SNX11: variants seen among roughly 807,000 people sequenced by gnomAD.
The protein encoded by SNX11 is sorting nexin-11.
A neutral mutation model predicts 30.7 loss-of-function variants in SNX11; 19 were observed. The observed-to-expected ratio is 0.62, with a 90% CI of 0.43 to 0.91. SNX11 has a LOEUF of 0.91. SNX11 is among the 40% of genes least tolerant of loss of function. The pLI is 0.00. For missense variants in SNX11, 302 were observed against 326.7 expected, an observed-to-expected ratio of 0.92 and a Z score of 0.58; for synonymous variants, 112 against 119.0, an observed-to-expected ratio of 0.94 and a Z score of 0.38.
At chr17:48,115,038 G>C (rs1267972653) in intron 4 of SNX11, among the ~76,000 whole-genome samples, 2 of 150,082 alleles carry the variant, frequency 1.3e-5, no homozygotes, top group Admixed American at 1.3e-4. Context: ...GATTACAGAC[G>C]TGAGCCACCA....
In SNX11 at chr17:48,113,402, G is replaced by T. The variant is rs1449015028; in HGVS notation, c.230+1G>T. On this transcript the variant is annotated splice_donor_variant, in intron 4 of 6. Coordinates refer to ENST00000359238, the MANE Select transcript of SNX11 (RefSeq NM_013323.3). LOFTEE classifies it high-confidence loss of function. ...AGCTACAGAGAAATGCTGGTTTGGT[G>T]TGAGTTTGCTCTTGCTTCCTTCTTG... The T allele has an allele frequency of 1.2e-6, 2 of 1,612,022 alleles. No individual in the cohort carries two copies. The highest frequency in any genetic ancestry group is 2.7e-5 in the African/African-American group (2 of 74,870).
chr17:48,115,064 C>CTTTT (rs1239738711), intron 4 of SNX11, among the ~76,000 whole-genome samples: 1 of 123,202 alleles, frequency 8.1e-6, no homozygotes, highest in African/African-American at 3.0e-5. Context: ...CGCCTTTTTT[C>CTTTT]TTTTTTTTTT....
chr17:48,113,620 A>G (rs1371287002), intron 4 of SNX11: 2 of 414,612 alleles, frequency 4.8e-6, no homozygotes, highest in African/African-American at 4.2e-5. Context: ...ATCATGGCTC[A>G]CTGCAGCCTC....
Position 48,121,429 on chromosome 17 carries a change from A to T in SNX11, c.734A>T (p.Gln245Leu), listed in dbSNP as rs1384536498. Residue 245 changes from glutamine (Q) to leucine (L), a missense_variant, in exon 7 of 7, where the codon CAG (glutamine) becomes CTG (leucine). Transcript: ENST00000359238. ...GRPKEGTSTL[Q>L]SVRRAVGGDH... ...CCCAAAGAGGGAACCTCCACTCTTC[A>T]GTCTGTGAGGAGGGCTGTGGGAGGA... 5.0e-6 allele frequency: 8 copies of T among 1,614,024 alleles called. No homozygotes were observed. The highest frequency in any genetic ancestry group is 1.3e-5 in the African/African-American group (1 of 74,926).
intron 1 of SNX11, chr17:48,110,986 C>G: frequency 5.2e-6 from 3 of 577,144 alleles, no homozygotes; most frequent in Non-Finnish European, 6.6e-6. Context: ...TCGCTATACA[C>G]GTGAACTGCC....
At chr17:48,110,296 C>A (rs1444249643) in intron 1 of SNX11, among the ~76,000 whole-genome samples, 1 of 152,178 alleles carries the variant, frequency 6.6e-6, no homozygotes, top group Non-Finnish European at 1.5e-5. Context: ...AGATAAAAAT[C>A]AGATTGTCAG....
At chr17:48,117,547 G>A (rs1598337422) in intron 4 of SNX11, among the ~76,000 whole-genome samples, 1 of 151,110 alleles carries the variant, frequency 6.6e-6, no homozygotes, top group Admixed American at 6.6e-5. Flanking sequence ...GTGAGCCACC[G>A]CGCCTGGCTG....
chr17:48,116,865 CTT>C (rs143715469), intron 4 of SNX11, among the ~76,000 whole-genome samples: 13 of 139,242 alleles, frequency 9.3e-5, no homozygotes, highest in Non-Finnish European at 7.8e-5. Flanking sequence ...TGCGCCCGGC[CTT>C]TTTTTTTTTT....
At chr17:48,116,257 AAAC>A (rs1391026474) in intron 4 of SNX11, among the ~76,000 whole-genome samples, 7 of 152,102 alleles carry the variant, frequency 4.6e-5, no homozygotes, top group Admixed American at 1.3e-4. Context: ...ACTGTCTCAA[AAAC>A]AACAACAACA....
chr17:48,112,906 A>T, intron 3 of SNX11: 1 of 279,712 alleles, frequency 3.6e-6, no homozygotes, highest in South Asian at 5.3e-5. Flanking sequence ...AATTTTGAAT[A>T]TATATTTTTT....
intron 4 of SNX11, among the ~76,000 whole-genome samples, chr17:48,114,267 C>T (rs2063521738): frequency 6.6e-6 from 1 of 151,200 alleles, no homozygotes; most frequent in Admixed American, 6.6e-5. Flanking sequence ...GGTTCTCCTG[C>T]CTCAGCCTCC....
intron 3 of SNX11, 102 bp from the exon 4 acceptor site, chr17:48,113,199 T>C: frequency 1.0e-6 from 1 of 978,642 alleles, no homozygotes; most frequent in Non-Finnish European, 1.6e-6. Flanking sequence ...GTCTGTGGCC[T>C]GATGGCATGG....
At chr17:48,112,720 TGAGGTGTAACC>T (rs1376518615) in intron 3 of SNX11, 60 bp downstream of exon 3, 1 of 1,069,492 alleles carries the variant, frequency 9.4e-7, no homozygotes, top group East Asian at 2.5e-5. Context: ...GGGCTTGTAC[TGAGGTGTAACC>T]TTTTTTTTTT....
At chr17:48,119,992 T>C (rs1238917574) in intron 6 of SNX11, among the ~76,000 whole-genome samples, 1 of 152,194 alleles carries the variant, frequency 6.6e-6, no homozygotes, top group Non-Finnish European at 1.5e-5. Flanking sequence ...TTTGGACATT[T>C]ACACAAATGG....
Position 48,123,593 on chromosome 17 carries a change from A to C in SNX11, c.*2085A>C, listed in dbSNP as rs2063618418. The stretch of plus-strand genomic sequence containing the variant: ...GCTTTTTTAATGATCCATTAGCAGC[A>C]TGCATACAACAGCACCTCAGTTAAT... On this transcript the variant is annotated 3_prime_UTR_variant, in exon 7 of 7. Transcript: ENST00000359238. Among the ~76,000 whole-genome samples, 2 of 152,168 alleles carry C rather than the reference A, an allele frequency of 1.3e-5. No homozygotes were observed. Among genetic ancestry groups the C allele is most frequent in the African/African-American group, 2.4e-5 (1 of 41,452 alleles).
In SNX11 at chr17:48,118,776, A is replaced by G. The variant is rs779408251; in HGVS notation, c.303A>G (p.Gln101=). The change falls in exon 5 of 7, where the codon CAA becomes CAG. Residue 101 remains glutamine, a synonymous_variant. Transcript: ENST00000359238. ...ATGAGTTCATTGAGAAGCGACGACA[A>G]GGTCTGCAGCACTTCCTTGAAAAGT... ...TSDEFIEKRR[Q]GLQHFLEKVL... The G allele has an allele frequency of 1.1e-5, 18 of 1,613,922 alleles. No homozygotes were observed. Among genetic ancestry groups the G allele is most frequent in the Non-Finnish European group, 2.5e-6 (3 of 1,179,948 alleles).
At chr17:48,118,883 C>T in intron 5 of SNX11, 84 bp downstream of exon 5, 1 of 1,549,486 alleles carries the variant, frequency 6.5e-7, no homozygotes, top group Non-Finnish European at 8.9e-7. Flanking sequence ...GAGCTCCCTG[C>T]TCAGGTAGCC....
chr17:48,109,738 C>T (rs1300467895), intron 1 of SNX11, among the ~76,000 whole-genome samples: 3 of 151,924 alleles, frequency 2.0e-5, no homozygotes, highest in Admixed American at 1.3e-4. Context: ...CCACCACGCC[C>T]GCTAATTTTT....
At chr17:48,113,259 C>T in intron 3 of SNX11, 42 bp from the exon 4 acceptor site, 3 of 1,515,538 alleles carry the variant, frequency 2.0e-6, no homozygotes, top group Non-Finnish European at 2.7e-6. Flanking sequence ...TGTCTATTTC[C>T]ACTAAACCCT....
Sources: gnomAD v4.1 joint callset for allele counts (sites outside exome capture counted in the v4.1 genomes callset) on GRCh38, gnomAD v4.1.1 for gene constraint, MANE v1.5 for transcripts, NCBI Gene and HGNC (gene_info 2026-07-23, HGNC 2026-07-21) for gene names.